Variants in EML6 observed in about 807,000 individuals in gnomAD.
EML6 encodes EMAP like 6, also known as echinoderm microtubule-associated protein-like 6.
EML6 carries 154 observed loss-of-function variants against 240.1 expected under a neutral mutation model. The observed-to-expected ratio is 0.64, with a 90% CI of 0.56 to 0.73. EML6 has a LOEUF of 0.73. Ranked by LOEUF, EML6 falls within the 30% of genes least tolerant of loss-of-function variation. The probability of loss-of-function intolerance (pLI) is 0.00; values close to 1 mark genes in which losing one functional copy is unlikely to be tolerated. For missense variants in EML6, 2,964 were observed against 2,474.6 expected (o/e 1.20, Z -4.20); for synonymous variants, 1,148 against 899.0 (o/e 1.28, Z -4.95).
intron 5 of EML6, among the ~76,000 whole-genome samples, chr2:54,825,482 C>T (rs963548743): frequency 2.0e-5 from 3 of 152,248 alleles, no homozygotes; most frequent in African/African-American, 7.2e-5. Context: ...AGGATGGTCT[C>T]TAACTCCTGG....
At chr2:54,777,157 C>T (rs1254906940) in intron 2 of EML6, among the ~76,000 whole-genome samples, 1 of 152,128 alleles carries the variant, frequency 6.6e-6, no homozygotes, top group African/African-American at 2.4e-5. Context: ...CCTCAATACT[C>T]ACAGAAGGAA....
chr2:54,735,734 A>G (rs552099232), intron 2 of EML6, among the ~76,000 whole-genome samples: 8 of 152,358 alleles, frequency 5.3e-5, no homozygotes, highest in Non-Finnish European at 1.0e-4. Context: ...CATGATTTGC[A>G]TCCCTTTCAA....
At chr2:54,929,621 C>T (rs1193260608) in intron 28 of EML6, among the ~76,000 whole-genome samples, 1 of 152,136 alleles carries the variant, frequency 6.6e-6, no homozygotes, top group African/African-American at 2.4e-5. Flanking sequence ...GTATGGCTTT[C>T]TGCCTAACAA....
At chr2:54,799,933 T>A (rs188664951) in intron 2 of EML6, among the ~76,000 whole-genome samples, 60 of 152,294 alleles carry the variant, frequency 3.9e-4, no homozygotes, top group South Asian at 1.2e-3. Flanking sequence ...GCAAACTGGT[T>A]GGTACACTTT....
chr2:54,790,527 G>A (rs1473112932), intron 2 of EML6, among the ~76,000 whole-genome samples: 2 of 151,968 alleles, frequency 1.3e-5, no homozygotes, highest in East Asian at 1.9e-4. Flanking sequence ...CCCATTTCAC[G>A]GCTGGAGGGT....
chr2:54,824,187 C>A (rs1668476832), intron 5 of EML6, among the ~76,000 whole-genome samples: 1 of 152,136 alleles, frequency 6.6e-6, no homozygotes, highest in Non-Finnish European at 1.5e-5. Context: ...TTGGTTAACT[C>A]TAACTTTTAA....
chr2:54,731,783 A>G (rs1683182180), intron 2 of EML6, among the ~76,000 whole-genome samples: 1 of 152,182 alleles, frequency 6.6e-6, no homozygotes, highest in African/African-American at 2.4e-5. Context: ...GATAGGTGAA[A>G]AACTGTTCAC....
intron 2 of EML6, among the ~76,000 whole-genome samples, chr2:54,788,487 A>G (rs1669211612): frequency 6.6e-6 from 1 of 152,198 alleles, no homozygotes; most frequent in African/African-American, 2.4e-5. Context: ...GAAAAGAGGT[A>G]TTCTGTGAGA....
intron 2 of EML6, among the ~76,000 whole-genome samples, chr2:54,766,953 A>T (rs764344517): frequency 6.6e-6 from 1 of 152,196 alleles, no homozygotes; most frequent in Non-Finnish European, 1.5e-5. Context: ...TTCATGATGG[A>T]TCATCTGCTA....
intron 16 of EML6, among the ~76,000 whole-genome samples, chr2:54,875,054 T>C (rs983708853): frequency 2.0e-5 from 3 of 152,132 alleles, no homozygotes; most frequent in Non-Finnish European, 4.4e-5. Flanking sequence ...GGCAAGAGTG[T>C]CATACCTGGG....
intron 2 of EML6, among the ~76,000 whole-genome samples, chr2:54,811,315 C>G (rs1667830815): frequency 6.6e-6 from 1 of 152,216 alleles, no homozygotes; most frequent in South Asian, 2.1e-4. Flanking sequence ...AGAGCTGCCC[C>G]TGCCTGCCTG....
intron 17 of EML6, chr2:54,882,791 G>A (rs560917987): frequency 7.3e-6 from 1 of 137,826 alleles, no homozygotes; most frequent in East Asian, 2.2e-4. Context: ...CCGGGAGGCG[G>A]AGCTTGCAGT....
intron 41 of EML6, 130 bp from the exon 42 acceptor site, chr2:54,969,941 C>A: frequency 1.1e-6 from 1 of 937,340 alleles, no homozygotes; most frequent in Non-Finnish European, 1.7e-6. Flanking sequence ...CCTGGTTTAC[C>A]TTTTGAAGTC....
intron 28 of EML6, among the ~76,000 whole-genome samples, chr2:54,944,883 C>T (rs1434154775): frequency 6.6e-6 from 1 of 151,862 alleles, no homozygotes; most frequent in African/African-American, 2.4e-5. Context: ...CCAGTTTGGT[C>T]TTGATAACAG....
chr2:54,806,634 AAAAAAAAAAAG>A, intron 2 of EML6, among the ~76,000 whole-genome samples: 2 of 149,792 alleles, frequency 1.3e-5, no homozygotes, highest in Admixed American at 1.3e-4. Context: ...AAAAAAAAAA[AAAAAAAAAAAG>A]AATGTCCGTT....
At chr2:54,929,786 G>C (rs1263508808) in intron 28 of EML6, among the ~76,000 whole-genome samples, 1 of 151,932 alleles carries the variant, frequency 6.6e-6, no homozygotes, top group Non-Finnish European at 1.5e-5. Flanking sequence ...TGTGCTACTG[G>C]CAAGAAGATT....
intron 28 of EML6, among the ~76,000 whole-genome samples, chr2:54,941,640 T>A (rs965812059): frequency 6.6e-6 from 1 of 152,230 alleles, no homozygotes; most frequent in African/African-American, 2.4e-5. Flanking sequence ...GTTCTACATT[T>A]CCATCCCGTT....
chr2:54,947,975 T>G (rs192783860), intron 28 of EML6, among the ~76,000 whole-genome samples: 38 of 152,348 alleles, frequency 2.5e-4, no homozygotes, highest in Admixed American at 1.4e-3. Flanking sequence ...TGTACTAAGT[T>G]TCTCACTTGG....
At chr2:54,833,475 AG>A (rs1314492494) in intron 7 of EML6, among the ~76,000 whole-genome samples, 1 of 152,270 alleles carries the variant, frequency 6.6e-6, no homozygotes, top group Non-Finnish European at 1.5e-5. Flanking sequence ...ACATCTTTGT[AG>A]TAGCTTGAGC....
Sources: gnomAD v4.1 joint callset for allele counts (sites outside exome capture counted in the v4.1 genomes callset) on GRCh38, gnomAD v4.1.1 for gene constraint, MANE v1.5 for transcripts, NCBI Gene and HGNC (gene_info 2026-07-23, HGNC 2026-07-21) for gene names.